EEIG2: variants seen among roughly 807,000 people sequenced by gnomAD.
The protein encoded by EEIG2 is family with sequence similarity 102 member B.
the EEIG2 span, among the ~76,000 whole-genome samples, chr1:108,565,724 A>G: frequency 4.6e-5 from 7 of 152,282 alleles, no homozygotes; most frequent in South Asian, 8.3e-4. Flanking sequence ...GAGCACATCT[A>G]TGTATTGGAC....
At chr1:108,560,503 T>G in the EEIG2 span, 1 of 1,612,444 alleles carries the variant, frequency 6.2e-7, no homozygotes, top group Non-Finnish European at 8.5e-7. Context: ...CCTTCGTCAA[T>G]GGGGTCCTCT....
the EEIG2 span, among the ~76,000 whole-genome samples, chr1:108,569,078 A>C: frequency 6.6e-6 from 1 of 152,218 alleles, no homozygotes; most frequent in African/African-American, 2.4e-5. Context: ...AAGATATTTG[A>C]AAAATTGTGC....
At chr1:108,606,989 T>C in the EEIG2 span, among the ~76,000 whole-genome samples, 1 of 152,144 alleles carries the variant, frequency 6.6e-6, no homozygotes, top group Non-Finnish European at 1.5e-5. Context: ...AACTTCCATA[T>C]CTACCAAACA....
chr1:108,586,316 T>G, the EEIG2 span, among the ~76,000 whole-genome samples: 1 of 606 alleles, frequency 1.7e-3, no homozygotes, highest in African/African-American at 2.4e-3. Flanking sequence ...CGCAGAGGGG[T>G]GTGTGTGTGT....
At chr1:108,604,964 G>C in the EEIG2 span, among the ~76,000 whole-genome samples, 1 of 151,930 alleles carries the variant, frequency 6.6e-6, no homozygotes, top group South Asian at 2.1e-4. Flanking sequence ...GATCTCCTGA[G>C]CCCAGGAGTT....
chr1:108,629,134 CTG>C, the EEIG2 span, among the ~76,000 whole-genome samples: 1 of 152,214 alleles, frequency 6.6e-6, no homozygotes, highest in African/African-American at 2.4e-5. Context: ...CTTTAAGCCA[CTG>C]TTGTAATTTG....
the EEIG2 span, among the ~76,000 whole-genome samples, chr1:108,629,075 C>T: frequency 1.6e-4 from 24 of 152,148 alleles, no homozygotes; most frequent in African/African-American, 5.6e-4. Context: ...ATGTCTACAG[C>T]GTTCGTATAC....
chr1:108,614,202 C>T, the EEIG2 span, among the ~76,000 whole-genome samples: 279 of 88,176 alleles, frequency 3.2e-3, no homozygotes, highest in Admixed American at 0.011. Flanking sequence ...AGAACCCCAT[C>T]TCTAAAAAAA....
chr1:108,635,152 A>C, the EEIG2 span: 1 of 1,614,184 alleles, frequency 6.2e-7, no homozygotes, highest in Non-Finnish European at 8.5e-7. Context: ...AAACGCTAGA[A>C]GTCAAGTCGG....
At chr1:108,614,863 C>T in the EEIG2 span, among the ~76,000 whole-genome samples, 3 of 152,194 alleles carry the variant, frequency 2.0e-5, no homozygotes, top group Non-Finnish European at 4.4e-5. Context: ...CTTAACTATT[C>T]AGTTCCTTAA....
the EEIG2 span, among the ~76,000 whole-genome samples, chr1:108,570,115 T>C: frequency 6.6e-6 from 1 of 152,252 alleles, no homozygotes; most frequent in South Asian, 2.1e-4. Context: ...AACTCAAGAA[T>C]AGGTAGAAAG....
chr1:108,624,570 T>A, the EEIG2 span: 1 of 1,326,642 alleles, frequency 7.5e-7, no homozygotes, highest in Non-Finnish European at 1.1e-6. Flanking sequence ...TAAGGCTTAC[T>A]AAGCTCACCA....
chr1:108,615,645 C>T, the EEIG2 span, among the ~76,000 whole-genome samples: 2 of 151,750 alleles, frequency 1.3e-5, no homozygotes, highest in Non-Finnish European at 2.9e-5. Context: ...ATTAGCCAGG[C>T]GTAGTGTGCA....
chr1:108,637,573 AAATTT>A, the EEIG2 span: 544 of 152,264 alleles, frequency 3.6e-3, 4 homozygotes, highest in African/African-American at 0.012. Flanking sequence ...GATTATTAAT[AAATTT>A]ATTTTTAAAT....
chr1:108,567,120 T>C, the EEIG2 span, among the ~76,000 whole-genome samples: 32 of 152,240 alleles, frequency 2.1e-4, no homozygotes, highest in Non-Finnish European at 4.0e-4. Context: ...GTATATACAA[T>C]TTTTGTCAAC....
the EEIG2 span, chr1:108,629,608 G>A: frequency 1.2e-6 from 2 of 1,611,238 alleles, no homozygotes; most frequent in African/African-American, 1.3e-5. Flanking sequence ...AAGGCTATTT[G>A]TGGGTCCTGG....
chr1:108,578,061 A>G, the EEIG2 span, among the ~76,000 whole-genome samples: 1 of 147,304 alleles, frequency 6.8e-6, no homozygotes, highest in Non-Finnish European at 1.5e-5. Context: ...CTTTGAAGCA[A>G]TTGTGAATGG....
the EEIG2 span, among the ~76,000 whole-genome samples, chr1:108,621,841 T>TC: frequency 1.8e-4 from 27 of 151,996 alleles, no homozygotes; most frequent in South Asian, 3.3e-3. Flanking sequence ...TTTTTTTTTT[T>TC]CCACAAAGCT....
the EEIG2 span, among the ~76,000 whole-genome samples, chr1:108,598,092 G>C: frequency 6.6e-6 from 1 of 152,102 alleles, no homozygotes; most frequent in Non-Finnish European, 1.5e-5. Flanking sequence ...AACAGTTTGG[G>C]AGATCGAGGT....
Sources: gnomAD v4.1 joint callset for allele counts (sites outside exome capture counted in the v4.1 genomes callset) on GRCh38, gnomAD v4.1.1 for gene constraint, MANE v1.5 for transcripts, NCBI Gene and HGNC (gene_info 2026-07-23, HGNC 2026-07-21) for gene names.